The following LATS1 variants were observed in gnomAD, a reference collection of about 807,000 sequenced individuals.
LATS1 encodes the protein large tumor suppressor kinase 1.
In LATS1, 25 loss-of-function variants were observed where a neutral mutation model predicts 106.6. The observed-to-expected ratio is 0.23, with a 90% CI of 0.17 to 0.33. The LOEUF (loss-of-function observed/expected upper bound fraction) is 0.33, where lower values mean the gene tolerates loss of function less well. Among genes scored for constraint, LATS1 ranks in the 10% least tolerant of loss-of-function variants. The pLI is 1.00. For synonymous variants in LATS1, 465 were observed against 455.6 expected (o/e 1.02, Z -0.26); for missense variants, 1,040 against 1,382.6 (o/e 0.75, Z 3.93).
intron 1 of LATS1, among the ~76,000 whole-genome samples, chr6:149,712,769 G>A (rs974066767): frequency 3.9e-5 from 6 of 152,244 alleles, no homozygotes; most frequent in Non-Finnish European, 5.9e-5. Flanking sequence ...TGAGGTGGGC[G>A]GATCTCTTGA....
intron 2 of LATS1, among the ~76,000 whole-genome samples, chr6:149,696,246 T>A (rs1351228149): frequency 6.7e-6 from 1 of 149,456 alleles, no homozygotes; most frequent in African/African-American, 2.5e-5. Context: ...TATCAGATTG[T>A]TAAAAAGGTA....
At chr6:149,664,092 G>C (rs953372429) in intron 7 of LATS1, among the ~76,000 whole-genome samples, 1 of 151,506 alleles carries the variant, frequency 6.6e-6, no homozygotes, top group African/African-American at 2.4e-5. Context: ...TTACAGGCGT[G>C]AGTCACTGTG....
chr6:149,691,860 T>A (rs1782773895), intron 3 of LATS1, among the ~76,000 whole-genome samples: 1 of 152,224 alleles, frequency 6.6e-6, no homozygotes, highest in Admixed American at 6.5e-5. Flanking sequence ...TTTCTTAATG[T>A]AGGGTATTAT....
At position 149,659,550 on chromosome 6, in the gene LATS1, G is replaced by C. The variant is rs924515143; in HGVS notation, c.*2179C>G. ...ACAGATTTTGTGGGAAGGGAAGGGG[G>C]AGGAGACAGCACCTTAGTTTTCCTA... On this transcript the variant is annotated 3_prime_UTR_variant, in exon 8 of 8. Coordinates refer to ENST00000543571, the MANE Select transcript of LATS1 (RefSeq NM_004690.4). 4.3e-6 allele frequency: 1 copy of C among 230,646 alleles called. No individual in the cohort carries two copies. The highest frequency in any genetic ancestry group is 8.6e-6 in the Non-Finnish European group (1 of 116,576). The allele number at this position is 230,646 out of a possible 1,614,324, so 14.3% of individuals were successfully genotyped here.
At chr6:149,699,302 T>A (rs890623204) in intron 2 of LATS1, among the ~76,000 whole-genome samples, 1 of 152,152 alleles carries the variant, frequency 6.6e-6, no homozygotes, top group Admixed American at 6.5e-5. Context: ...ACCATACTTC[T>A]GCACTGTCTG....
Position 149,662,153 on chromosome 6 carries a change from C to T in LATS1, c.2969G>A (p.Arg990Gln), listed in dbSNP as rs1253121553. ...CTTGCCTAAGCGATCTTCGGGTCCTCGGCAAAGTTTAATAATAAGATCAGA... is the reference window on the plus strand; with the variant it reads ...CTTGCCTAAGCGATCTTCGGGTCCTTGGCAAAGTTTAATAATAAGATCAGA... ...EASDLIIKLC[R>Q]GPEDRLGKNG... Residue 990 changes from arginine (R) to glutamine (Q), a missense_variant, in exon 8 of 8, where the codon CGA becomes CAA. Physicochemically the swap from Arg to Gln is conservative, Grantham distance 43. Transcript: ENST00000543571. 3.1e-6 allele frequency: 5 copies of T among 1,613,932 alleles called. No individual in the cohort carries two copies. The highest frequency in any genetic ancestry group is 1.3e-5 in the African/African-American group (1 of 75,004).
intron 1 of LATS1, among the ~76,000 whole-genome samples, chr6:149,713,828 T>C (rs545411108): frequency 6.6e-6 from 1 of 151,960 alleles, no homozygotes; most frequent in South Asian, 2.1e-4. Flanking sequence ...TGTGGCTAAT[T>C]TTTGTATTTT....
At chr6:149,703,391 T>C (rs1246005510) in intron 1 of LATS1, among the ~76,000 whole-genome samples, 2 of 152,194 alleles carry the variant, frequency 1.3e-5, no homozygotes, top group Non-Finnish European at 2.9e-5. Context: ...TGGATCTGTG[T>C]CCCCACCAAA....
chr6:149,683,160 C>G lies in LATS1; in HGVS notation c.1929G>C (p.Met643Ile). The G allele has an allele frequency of 6.2e-7, 1 of 1,613,522 alleles. No individual in the cohort carries two copies. The highest frequency in any genetic ancestry group is 1.7e-5 in the Admixed American group (1 of 60,004). The stretch of plus-strand genomic sequence containing the variant: ...TGAGTACATTTTCTACATGTTGCTC[C>G]ATAAAGAATTTAAATGCTTGAGGAG... Reference protein sequence around the residue: ...SYSPQAFKFFMEQHVENVLKS... With the variant: ...SYSPQAFKFFIEQHVENVLKS... The change falls in exon 4 of 8, where the codon ATG (methionine) becomes ATC (isoleucine). Residue 643 changes from methionine to isoleucine, a missense_variant. This residue lies in a region of LATS1 where 167 missense variants were observed against 332.1 expected (regional missense o/e 0.50). Transcript: ENST00000543571.
intron 1 of LATS1, among the ~76,000 whole-genome samples, chr6:149,704,423 T>G (rs1381677531): frequency 6.6e-6 from 1 of 152,018 alleles, no homozygotes; most frequent in Non-Finnish European, 1.5e-5. Flanking sequence ...TAAAATTAGA[T>G]TACAATTTAT....
At chr6:149,662,861 G>C (rs1471024745) in intron 7 of LATS1, among the ~76,000 whole-genome samples, 2 of 151,472 alleles carry the variant, frequency 1.3e-5, no homozygotes, top group Non-Finnish European at 2.9e-5. Flanking sequence ...AGCTACTCAG[G>C]AGGTTGAAGC....
intron 2 of LATS1, among the ~76,000 whole-genome samples, chr6:149,698,303 G>T (rs1034327389): frequency 6.6e-6 from 1 of 151,106 alleles, no homozygotes; most frequent in African/African-American, 2.4e-5. Context: ...GAGTGCAGTG[G>T]TGCAACCACA....
At chr6:149,687,044 A>G (rs1782414085) in intron 3 of LATS1, among the ~76,000 whole-genome samples, 1 of 152,000 alleles carries the variant, frequency 6.6e-6, no homozygotes, top group Non-Finnish European at 1.5e-5. Flanking sequence ...CTACTGCAAA[A>G]GTTTTTAAAC....
intron 7 of LATS1, among the ~76,000 whole-genome samples, chr6:149,673,938 G>A (rs1003405011): frequency 2.6e-5 from 4 of 151,680 alleles, no homozygotes; most frequent in African/African-American, 7.3e-5. Context: ...GCCTCCCAAA[G>A]TGCTGGGATT....
chr6:149,689,842 T>C (rs577260848), intron 3 of LATS1, among the ~76,000 whole-genome samples: 33 of 152,316 alleles, frequency 2.2e-4, no homozygotes, highest in African/African-American at 7.7e-4. Context: ...CCTCATGCTA[T>C]GCTTTGGATC....
In LATS1 at chr6:149,660,008, T is replaced by A. The variant is rs539850091; in HGVS notation, c.*1721A>T. 11 of 232,348 alleles carry A rather than the reference T, an allele frequency of 4.7e-5. No homozygotes were observed. The highest frequency in any genetic ancestry group is 2.4e-4 in the African/African-American group (11 of 45,404). The allele number at this position is 232,348 out of a possible 1,614,324, so 14.4% of individuals were successfully genotyped here. ...ACAAATTATCAGCTTATATAAGATGTGCTGAGTAGTGATTGGTAAGTTAAA... is the reference window on the plus strand; with the variant it reads ...ACAAATTATCAGCTTATATAAGATGAGCTGAGTAGTGATTGGTAAGTTAAA... On this transcript the variant is annotated 3_prime_UTR_variant, in exon 8 of 8. Transcript: ENST00000543571.
chr6:149,700,337 G>A (rs1206573529), intron 2 of LATS1, among the ~76,000 whole-genome samples: 4 of 152,118 alleles, frequency 2.6e-5, no homozygotes, highest in East Asian at 3.9e-4. Context: ...GCCAGGCGTC[G>A]TGGTGGGCGC....
intron 3 of LATS1, among the ~76,000 whole-genome samples, chr6:149,688,167 G>T (rs1186218550): frequency 6.6e-6 from 1 of 151,570 alleles, no homozygotes; most frequent in Admixed American, 6.6e-5. Context: ...GAGCCACCTT[G>T]CCTAGCCTGG....
In LATS1 at chr6:149,674,484, A is replaced by G. The variant is rs995027711; in HGVS notation, c.2883+1776T>C. On this transcript the variant is annotated intron_variant, in intron 7 of 7. Transcript: ENST00000543571. ...TCTCCTAGGCTCCAGTGACCCTCCAACCTTAGCCTCCCAGGTAGCTAGGAC... is the reference window on the plus strand; with the variant it reads ...TCTCCTAGGCTCCAGTGACCCTCCAGCCTTAGCCTCCCAGGTAGCTAGGAC... Among the ~76,000 whole-genome samples the G allele has an allele frequency of 5.9e-5, 9 of 151,740 alleles. 1 individual carries two copies. In the East Asian group the frequency reaches 1.6e-3, roughly 26 times the overall value.
Sources: allele counts gnomAD v4.1 joint callset (sites outside exome capture counted in the v4.1 genomes callset), GRCh38; gene constraint gnomAD v4.1.1; regional missense constraint gnomAD v4.1.1; transcripts MANE v1.5; gene names NCBI Gene and HGNC (gene_info 2026-07-23, HGNC 2026-07-21).